Variants in ANKAR observed in about 807,000 individuals in gnomAD.
ANKAR encodes the protein ankyrin and armadillo repeat-containing protein.
ANKAR carries 136 observed loss-of-function variants against 146.2 expected under a neutral mutation model. The observed-to-expected ratio is 0.93, with a 90% confidence interval of 0.81 to 1.07. The LOEUF (loss-of-function observed/expected upper bound fraction) is 1.07, where lower values mean the gene tolerates loss of function less well. ANKAR is among the 50% of genes least tolerant of loss of function. The pLI is 0.00. For synonymous variants in ANKAR, 500 were observed against 575.8 expected (o/e 0.87, Z 1.88); for missense variants, 1,567 against 1,679.9 (o/e 0.93, Z 1.18).
chr2:189,695,481 T>C (rs985054313), intron 6 of ANKAR, among the ~76,000 whole-genome samples: 6 of 152,258 alleles, frequency 3.9e-5, no homozygotes, highest in Admixed American at 3.9e-4. Context: ...ATTCCTGTTA[T>C]ACAAATGAGA....
intron 10 of ANKAR, among the ~76,000 whole-genome samples, chr2:189,718,985 A>G (rs932885367): frequency 6.6e-6 from 1 of 151,178 alleles, no homozygotes; most frequent in East Asian, 1.9e-4. Flanking sequence ...TCCTGACCTC[A>G]TGATCCACCC....
At chr2:189,735,009 A>C (rs959872172) in intron 17 of ANKAR, among the ~76,000 whole-genome samples, 1 of 149,784 alleles carries the variant, frequency 6.7e-6, no homozygotes, top group Non-Finnish European at 1.5e-5. Context: ...AGAGTAAAAA[A>C]AAATATATAT....
Position 189,719,749 on chromosome 2 carries a change from C to G in ANKAR, c.2402C>G (p.Ser801Cys), listed in dbSNP as rs750838756. 1.2e-6 allele frequency: 2 copies of G among 1,613,416 alleles called. No individual in the cohort carries two copies. Among genetic ancestry groups the G allele is most frequent in the East Asian group, 4.5e-5 (2 of 44,882 alleles). The change falls in exon 11 of 23, where the codon TCT becomes TGT. Residue 801 changes from serine to cysteine, a missense_variant. By Grantham distance (112) the Ser-to-Cys change is moderately radical. Transcript: ENST00000684021. The part of the protein sequence containing the change: ...LLVCDEPEVH[S>C]RCAVILYDIA... ...GTTTGTGATGAGCCTGAAGTACACT[C>G]TCGCTGTGCTGTCATTCTATATGAT...
At chr2:189,701,288 A>G (rs1027153079) in intron 7 of ANKAR, among the ~76,000 whole-genome samples, 5 of 151,430 alleles carry the variant, frequency 3.3e-5, no homozygotes, top group Non-Finnish European at 7.4e-5. Context: ...GCTGGAGTGC[A>G]GTGGCATGAT....
At chr2:189,721,621 G>A (rs1298050366) in intron 12 of ANKAR, among the ~76,000 whole-genome samples, 1 of 152,184 alleles carries the variant, frequency 6.6e-6, no homozygotes, top group Admixed American at 6.5e-5. Context: ...CAAAAGCCAT[G>A]AGGCAGTTTC....
downstream of ANKAR, chr2:189,761,315 A>G (rs2047038293): frequency 8.2e-7 from 1 of 1,221,718 alleles, no homozygotes; most frequent in South Asian, 1.7e-5. Context: ...GTTTGCAAAA[A>G]GGAATAAGAC....
Position 189,729,695 on chromosome 2 carries a change from C to CGTGTGTGTGTGTGTGTGTGTGTGT in ANKAR, c.3194-779_3194-778insTGTGTGTGTGTGTGTGTGTGTGTG, listed in dbSNP as rs139823318. Among the ~76,000 whole-genome samples the CGTGTGTGTGTGTGTGTGTGTGTGT allele has an allele frequency of 5.3e-3, 504 of 94,216 alleles. 1 individual carries two copies. Among genetic ancestry groups the CGTGTGTGTGTGTGTGTGTGTGTGT allele is most frequent in the South Asian group, 0.024 (47 of 1,968 alleles). 61.8% of individuals were successfully genotyped at this position (94,216 alleles called of 152,430 possible). On this transcript the variant is annotated intron_variant, in intron 15 of 22. Coordinates refer to ENST00000684021, the MANE Select transcript of ANKAR (RefSeq NM_001378068.1). ...TTCAAATCTGTCCACATCAGCTGTG[C>CGTGTGTGTGTGTGTGTGTGTGTGT]GTGTGTGTGTGTGTGTGTGTGGTGC...
At chr2:189,692,508 C>A in intron 4 of ANKAR, 90 bp downstream of exon 4, 1 of 1,090,658 alleles carries the variant, frequency 9.2e-7, no homozygotes, top group Non-Finnish European at 1.3e-6. Context: ...GGTACAGGCA[C>A]TCGACAGCTC....
chr2:189,740,085 T>C (rs891458185), intron 19 of ANKAR, among the ~76,000 whole-genome samples: 1 of 152,152 alleles, frequency 6.6e-6, no homozygotes, highest in Non-Finnish European at 1.5e-5. Context: ...TGACATGGTT[T>C]CCAGAAGATG....
chr2:189,761,533 A>C, downstream of ANKAR: 1 of 1,612,430 alleles, frequency 6.2e-7, no homozygotes, highest in Non-Finnish European at 8.5e-7. Flanking sequence ...ATACTATTTT[A>C]TGAAGAAATA....
intron 2 of ANKAR, among the ~76,000 whole-genome samples, chr2:189,684,275 C>CT (rs371788438): frequency 6.9e-3 from 3 of 432 alleles, no homozygotes; most frequent in Non-Finnish European, 0.052. Flanking sequence ...CCCCACACCA[C>CT]TGTCCACTTT....
At chr2:189,713,625 C>T (rs1270811727) in intron 10 of ANKAR, among the ~76,000 whole-genome samples, 1 of 152,116 alleles carries the variant, frequency 6.6e-6, no homozygotes, top group African/African-American at 2.4e-5. Context: ...ACTAAACATG[C>T]AAAGGAACAA....
intron 7 of ANKAR, among the ~76,000 whole-genome samples, chr2:189,699,543 C>A (rs77044577): frequency 0.016 from 2,376 of 152,298 alleles, 62 homozygotes; most frequent in African/African-American, 0.054. Flanking sequence ...TTCATTTACT[C>A]ATTTCACTTG....
At chr2:189,725,694 G>A (rs1280822436) in intron 12 of ANKAR, among the ~76,000 whole-genome samples, 1 of 152,076 alleles carries the variant, frequency 6.6e-6, no homozygotes. Context: ...AATAGCTTGA[G>A]CTCATGAGTT....
At chr2:189,763,036 A>G, downstream of ANKAR, 1 of 985,352 alleles carries the variant, frequency 1.0e-6, no homozygotes, top group South Asian at 4.7e-5. Context: ...ACTAAGCTAC[A>G]TTAAAAAGAA....
At chr2:189,708,138 T>G (rs2039218014) in intron 9 of ANKAR, among the ~76,000 whole-genome samples, 1 of 151,994 alleles carries the variant, frequency 6.6e-6, no homozygotes, top group Non-Finnish European at 1.5e-5. Context: ...GCATCCAGTC[T>G]AGAGGAAAAA....
Position 189,687,784 on chromosome 2 carries a change from C to G in ANKAR, c.602-1743C>G, listed in dbSNP as rs117995838. 1.3e-3 allele frequency among the ~76,000 whole-genome samples: 201 copies of G among 152,238 alleles called. 5 individuals carry two copies. The East Asian group carries it at 0.038, about 29-fold the overall frequency. On this transcript the variant is annotated intron_variant, in intron 2 of 22. Transcript: ENST00000684021. Reference sequence around the variant, plus strand: ...CCTTTTGAGAAAAGTCTATTCAGATCTTTTGCCTATTTTTAAATCAGATTA... The same window carrying G: ...CCTTTTGAGAAAAGTCTATTCAGATGTTTTGCCTATTTTTAAATCAGATTA...
At chr2:189,760,892 G>A (rs61654155) in intron 18 of ANKAR, among the ~76,000 whole-genome samples, 148 of 152,246 alleles carry the variant, frequency 9.7e-4, no homozygotes, top group African/African-American at 3.3e-3. Flanking sequence ...ACTGGCTAGA[G>A]CTGAGTAGTG....
chr2:189,721,788 T>A (rs2041273483), intron 12 of ANKAR, among the ~76,000 whole-genome samples: 1 of 152,198 alleles, frequency 6.6e-6, no homozygotes. Flanking sequence ...CAGTATATCA[T>A]TTGGCTTCCT....
Sources: gnomAD v4.1 joint callset for allele counts (sites outside exome capture counted in the v4.1 genomes callset) on GRCh38, gnomAD v4.1.1 for gene constraint, MANE v1.5 for transcripts, NCBI Gene and HGNC (gene_info 2026-07-23, HGNC 2026-07-21) for gene names.